Variants in XPO7 observed in about 807,000 individuals in gnomAD.
The protein encoded by XPO7 is exportin-7.
In XPO7, 21 loss-of-function variants were observed where a neutral mutation model predicts 144.3. That is an observed-to-expected ratio of 0.15 (90% CI 0.10 to 0.21). XPO7 has a LOEUF of 0.21. XPO7 is among the 10% of genes least tolerant of loss of function. The pLI, the probability that XPO7 is intolerant of heterozygous loss-of-function variation, is 1.00. For synonymous variants in XPO7, 580 were observed against 499.6 expected (o/e 1.16, Z -2.15); for missense variants, 808 against 1,325.8 (o/e 0.61, Z 6.06).
chr8:21,928,827 T>G (rs1206234098), intron 1 of XPO7, among the ~76,000 whole-genome samples: 1 of 152,266 alleles, frequency 6.6e-6, no homozygotes, highest in Non-Finnish European at 1.5e-5. Flanking sequence ...TCACTGTTCG[T>G]AAATAAGTTT....
intron 6 of XPO7, 46 bp from the exon 7 acceptor site, chr8:21,976,310 A>AAGAG: frequency 6.3e-7 from 1 of 1,593,298 alleles, no homozygotes. Flanking sequence ...GCAAGCTGGG[A>AAGAG]AGAGAGGAGT....
chr8:21,980,818 C>G (rs533636702), intron 9 of XPO7, among the ~76,000 whole-genome samples: 10 of 151,022 alleles, frequency 6.6e-5, no homozygotes, highest in Admixed American at 1.3e-4. Flanking sequence ...ATTTTGTTTA[C>G]CATTTTTAAA....
chr8:21,990,718 G>T (rs1785846275), intron 17 of XPO7, 93 bp from the exon 18 acceptor site: 5 of 1,305,532 alleles, frequency 3.8e-6, no homozygotes, highest in South Asian at 1.2e-5. Flanking sequence ...ATAACCATTG[G>T]CTTGAAAGGG....
Position 21,990,519 on chromosome 8 carries a change from G to A in XPO7, c.1932+112G>A, listed in dbSNP as rs757320462. ...TCCCGGGTATTGCTACAGCAAAGACGGTGGTCCTGATTCCCACGATACTGC... is the reference window on the plus strand; with the variant it reads ...TCCCGGGTATTGCTACAGCAAAGACAGTGGTCCTGATTCCCACGATACTGC... On this transcript the variant is annotated intron_variant, in intron 17 of 27. Transcript: ENST00000252512. 135 of 1,246,260 alleles carry A rather than the reference G, an allele frequency of 1.1e-4. 3 individuals carry two copies. The Middle Eastern group carries it at 7.4e-3, about 68-fold the overall frequency. The allele number at this position is 1,246,260 out of a possible 1,614,324, so 77.2% of individuals were successfully genotyped here.
intron 19 of XPO7, among the ~76,000 whole-genome samples, chr8:21,992,488 TTTC>T (rs1812803822): frequency 6.6e-6 from 1 of 152,224 alleles, no homozygotes; most frequent in Non-Finnish European, 1.5e-5. Context: ...TCCATTGAGA[TTTC>T]TTCTTTGACA....
chr8:21,929,932 T>C (rs1810589886), intron 1 of XPO7, among the ~76,000 whole-genome samples: 1 of 152,334 alleles, frequency 6.6e-6, no homozygotes, highest in Admixed American at 6.5e-5. Flanking sequence ...AACATAGAGA[T>C]GTTTGTAAGT....
chr8:21,947,795 A>C (rs1476907260), intron 1 of XPO7, among the ~76,000 whole-genome samples: 2 of 152,226 alleles, frequency 1.3e-5, no homozygotes, highest in Non-Finnish European at 2.9e-5. Context: ...GTGGGAGGGA[A>C]GATTTATAAC....
intron 8 of XPO7, among the ~76,000 whole-genome samples, chr8:21,978,259 T>C (rs1812291062): frequency 6.6e-6 from 1 of 152,236 alleles, no homozygotes; most frequent in Non-Finnish European, 1.5e-5. Flanking sequence ...TTTGCATACT[T>C]ACCCTGAATA....
At chr8:21,979,447 G>A (rs1585462750) in intron 8 of XPO7, among the ~76,000 whole-genome samples, 1 of 120,630 alleles carries the variant, frequency 8.3e-6, no homozygotes, top group Admixed American at 1.0e-4. Context: ...TCTCACTGTT[G>A]CCCGGGCTGG....
chr8:21,935,118 A>C (rs1009854211), intron 1 of XPO7, among the ~76,000 whole-genome samples: 3 of 152,250 alleles, frequency 2.0e-5, no homozygotes, highest in African/African-American at 7.2e-5. Context: ...GACAGTCACA[A>C]AGGAGCTTTC....
chr8:21,960,805 G>A (rs553264858), intron 1 of XPO7, among the ~76,000 whole-genome samples: 1 of 152,282 alleles, frequency 6.6e-6, no homozygotes, highest in Admixed American at 6.5e-5. Context: ...AGCATTTAGC[G>A]TTGTAAAACT....
chr8:21,953,021 C>T (rs1434035054), intron 1 of XPO7, among the ~76,000 whole-genome samples: 1 of 151,870 alleles, frequency 6.6e-6, no homozygotes, highest in Non-Finnish European at 1.5e-5. Context: ...GCCCCTCCCC[C>T]TCTCTCCCCA....
rs1396172240 is a variant in XPO7, at chr8:21,984,851, G to T, written c.1471+12G>T. On this transcript the variant is annotated intron_variant, in intron 12 of 27. Coordinates refer to ENST00000252512, the MANE Select transcript of XPO7 (RefSeq NM_015024.5). Reference sequence around the variant, plus strand: ...TGCAGTGCAGGAGGGTGAGTGTGCAGCGTGCTGGGAACTCTAGACCTGTGA... The same window carrying T: ...TGCAGTGCAGGAGGGTGAGTGTGCATCGTGCTGGGAACTCTAGACCTGTGA... The T allele has an allele frequency of 6.8e-6, 11 of 1,612,910 alleles. No homozygotes were observed. Among genetic ancestry groups the T allele is most frequent in the Non-Finnish European group, 9.3e-6 (11 of 1,179,696 alleles).
rs202133710 is a variant in XPO7 at position 21,984,859 on chromosome 8, G to C, written c.1471+20G>C. ...AGGAGGGTGAGTGTGCAGCGTGCTG[G>C]GAACTCTAGACCTGTGAGGAGATGT... On this transcript the variant is annotated intron_variant, in intron 12 of 27. Transcript: ENST00000252512. 7.4e-5 allele frequency: 119 copies of C among 1,611,928 alleles called. No homozygotes were observed. In the East Asian group the frequency reaches 2.6e-3, roughly 35 times the overall value.
rs747799667 is a variant in XPO7, at chr8:21,999,267, A to G, written c.2605A>G (p.Ile869Val). ...CCTGGACAATGCTCTGCAGACCTTC[A>G]TCAAGCTGCTCCTCTCTATTCCTCA... ...DALDNALQTF[I>V]KLLLSIPHSD... Residue 869 changes from isoleucine (I) to valine (V), a missense_variant, in exon 23 of 28, where the codon ATC becomes GTC. This residue lies in a region of XPO7 where 416 missense variants were observed against 612.5 expected (regional missense o/e 0.68). Transcript: ENST00000252512. 1.2e-6 allele frequency: 2 copies of G among 1,613,412 alleles called. No individual in the cohort carries two copies. Among genetic ancestry groups the G allele is most frequent in the South Asian group, 1.1e-5 (1 of 91,046 alleles).
chr8:21,950,990 C>T (rs906993063), intron 1 of XPO7, among the ~76,000 whole-genome samples: 71 of 151,904 alleles, frequency 4.7e-4, no homozygotes, highest in African/African-American at 1.6e-3. Context: ...TAGTTGGGCG[C>T]GGTAGTGCAT....
At chr8:21,969,407 G>C in intron 2 of XPO7, 76 bp from the exon 3 acceptor site, 5 of 1,262,776 alleles carry the variant, frequency 4.0e-6, no homozygotes, top group Non-Finnish European at 3.4e-6. Context: ...AATCTGAGCA[G>C]AGATCTCCAA....
At chr8:22,001,876 A>G (rs563332529) in intron 24 of XPO7, among the ~76,000 whole-genome samples, 1 of 152,376 alleles carries the variant, frequency 6.6e-6, no homozygotes, top group African/African-American at 2.4e-5. Flanking sequence ...ATGTACGTAC[A>G]TCCACAACAC....
rs758323390 is a variant in XPO7, at chr8:21,999,316, C to T, written c.2643+11C>T. ...CACAGTGATCTCTTGGTAAGCCTTACGCTGCATTGCCACAATCTTGTTCCT... is the reference window on the plus strand; with the variant it reads ...CACAGTGATCTCTTGGTAAGCCTTATGCTGCATTGCCACAATCTTGTTCCT... On this transcript the variant is annotated intron_variant, in intron 23 of 27. Transcript: ENST00000252512. 48 of 1,612,018 alleles carry T rather than the reference C, an allele frequency of 3.0e-5. No individual in the cohort carries two copies. Among genetic ancestry groups the T allele is most frequent in the East Asian group, 4.5e-5 (2 of 44,900 alleles).
Sources: allele counts gnomAD v4.1 joint callset (sites outside exome capture counted in the v4.1 genomes callset), GRCh38; gene constraint gnomAD v4.1.1; regional missense constraint gnomAD v4.1.1; transcripts MANE v1.5; gene names NCBI Gene and HGNC (gene_info 2026-07-23, HGNC 2026-07-21).